Variants in IKBKB-DT observed in about 807,000 individuals in gnomAD.
The protein encoded by IKBKB-DT is IKBKB antisense RNA.
intron 2 of IKBKB-DT, among the ~76,000 whole-genome samples, chr8:42,265,310 T>G (rs1807355678): frequency 6.6e-6 from 1 of 152,256 alleles, no homozygotes; most frequent in Admixed American, 6.5e-5. Flanking sequence ...AGGGTCATTT[T>G]TATTCTGCTT....
intron 3 of IKBKB-DT, among the ~76,000 whole-genome samples, chr8:42,246,693 T>C (rs1315381885): frequency 1.3e-5 from 2 of 152,212 alleles, no homozygotes; most frequent in Non-Finnish European, 2.9e-5. Flanking sequence ...AACAGCTTCT[T>C]AAGCAGCTTT....
intron 1 of IKBKB-DT, among the ~76,000 whole-genome samples, chr8:42,268,759 G>A (rs944278891): frequency 2.6e-5 from 4 of 151,134 alleles, no homozygotes; most frequent in Non-Finnish European, 4.4e-5. Flanking sequence ...TAGAGACGTG[G>A]TTTCACCATG....
At chr8:42,259,252 C>T (rs1385838322) in intron 3 of IKBKB-DT, among the ~76,000 whole-genome samples, 4 of 152,084 alleles carry the variant, frequency 2.6e-5, no homozygotes, top group East Asian at 1.9e-4. Context: ...CTCAAACTCC[C>T]GACCTCAGGT....
intron 3 of IKBKB-DT, among the ~76,000 whole-genome samples, chr8:42,250,517 C>T (rs1245558142): frequency 6.6e-6 from 1 of 152,170 alleles, no homozygotes; most frequent in Non-Finnish European, 1.5e-5. Flanking sequence ...ATTATAAAGG[C>T]AGCTGAGTTT....
rs150101056 is a variant in IKBKB-DT, at chr8:42,265,492, T to C, written n.1385+123A>G. On this transcript the variant is annotated intron_variant and non_coding_transcript_variant, in intron 2 of 3. Coordinates refer to ENST00000518213, the Ensembl canonical transcript of IKBKB-DT. ...GGCAGGTAGGAGGGCCAGGCACCAC[T>C]GACAAGGGGAAGTGCAGAGAGAGGC... 752 of 152,390 alleles carry C rather than the reference T, an allele frequency of 4.9e-3. 5 individuals are homozygous for C. The highest frequency in any genetic ancestry group is 7.1e-3 in the Non-Finnish European group (485 of 68,126). 9.4% of individuals were successfully genotyped at this position (152,390 alleles called of 1,614,324 possible).
intron 3 of IKBKB-DT, among the ~76,000 whole-genome samples, chr8:42,251,757 G>A (rs1807130408): frequency 1.3e-5 from 2 of 151,108 alleles, no homozygotes; most frequent in Non-Finnish European, 2.9e-5. Context: ...CTTGAACCTG[G>A]GGCAGAGGTT....
chr8:42,239,614 T>TTTTATATATATATA lies in IKBKB-DT; in HGVS notation n.1530-5756_1530-5755insTATATATATATAAA, dbSNP rs1554502579. Among the ~76,000 whole-genome samples, 100 of 19,884 alleles carry TTTTATATATATATA rather than the reference T, an allele frequency of 5.0e-3. 3 individuals carry two copies. The highest frequency in any genetic ancestry group is 0.017 in the South Asian group (7 of 414). The allele number at this position is 19,884 out of a possible 152,430, so 13.0% of individuals were successfully genotyped here. A position where few individuals can be genotyped will look rare whatever the true frequency, so the allele number is the denominator to read the frequency against. Reference sequence around the variant, plus strand: ...CCAACCAATTTTTGTAAAAGGCAATTTATATATATATATATATATATTTAT... The same window carrying TTTTATATATATATA: ...CCAACCAATTTTTGTAAAAGGCAATTTTTATATATATATATATATATATATATATATATATTTAT... On this transcript the variant is annotated intron_variant and non_coding_transcript_variant, in intron 3 of 3. Coordinates refer to ENST00000518213, the Ensembl canonical transcript of IKBKB-DT.
chr8:42,255,695 G>A (rs1004846621), intron 3 of IKBKB-DT, among the ~76,000 whole-genome samples: 2 of 152,100 alleles, frequency 1.3e-5, no homozygotes, highest in Non-Finnish European at 2.9e-5. Flanking sequence ...TTGTGTCCCT[G>A]TTATAAGGAG....
chr8:42,263,257 C>T (rs764670252), intron 3 of IKBKB-DT: 1 of 152,264 alleles, frequency 6.6e-6, no homozygotes, highest in Non-Finnish European at 1.5e-5. Flanking sequence ...AAGTGATCCA[C>T]CTGCCTTGGC....
chr8:42,248,894 C>T (rs116862918), intron 3 of IKBKB-DT, among the ~76,000 whole-genome samples: 71 of 150,308 alleles, frequency 4.7e-4, no homozygotes, highest in Non-Finnish European at 8.4e-4. Context: ...AAACAAATAT[C>T]CCCTCCAAAT....
At chr8:42,260,429 G>T (rs1276200793) in intron 3 of IKBKB-DT, among the ~76,000 whole-genome samples, 2 of 152,120 alleles carry the variant, frequency 1.3e-5, no homozygotes, top group African/African-American at 2.4e-5. Flanking sequence ...ACTTTGGGAG[G>T]CTGAGGCGGG....
At chr8:42,254,770 C>A (rs973252936) in intron 3 of IKBKB-DT, among the ~76,000 whole-genome samples, 1 of 149,782 alleles carries the variant, frequency 6.7e-6, no homozygotes, top group Non-Finnish European at 1.5e-5. Context: ...TGCCCAGCCG[C>A]CCAACTGTCT....
chr8:42,258,777 C>T (rs2129927121), intron 3 of IKBKB-DT, among the ~76,000 whole-genome samples: 1 of 152,082 alleles, frequency 6.6e-6, no homozygotes, highest in African/African-American at 2.4e-5. Context: ...TGCTTCATAC[C>T]TTGTCTTACA....
intron 1 of IKBKB-DT, among the ~76,000 whole-genome samples, chr8:42,268,368 C>T (rs148646364): frequency 0.061 from 9,193 of 151,862 alleles, 710 homozygotes; most frequent in African/African-American, 0.18. Flanking sequence ...ATCTCCTGAC[C>T]TCGTGATCTG....
chr8:42,248,624 T>C (rs1262622601), intron 3 of IKBKB-DT, among the ~76,000 whole-genome samples: 2 of 152,194 alleles, frequency 1.3e-5, no homozygotes, highest in East Asian at 1.9e-4. Flanking sequence ...CTCATGTCTG[T>C]AATCCCAGCA....
chr8:42,255,330 T>C (rs1393841916), intron 3 of IKBKB-DT: 1 of 152,250 alleles, frequency 6.6e-6, no homozygotes, highest in Non-Finnish European at 1.5e-5. Flanking sequence ...TTTTTAAGTC[T>C]GTTTTGCTGG....
intron 3 of IKBKB-DT, among the ~76,000 whole-genome samples, chr8:42,235,208 T>TC (rs1806904247): frequency 1.4e-5 from 2 of 142,756 alleles, no homozygotes; most frequent in African/African-American, 5.3e-5. Context: ...TTATTTTCTT[T>TC]TTTTTTTTTT....
At chr8:42,255,527 C>T (rs971742645) in intron 3 of IKBKB-DT, 1 of 152,140 alleles carries the variant, frequency 6.6e-6, no homozygotes, top group African/African-American at 2.4e-5. Flanking sequence ...GTAAGGCAAC[C>T]ACATAAAGAA....
chr8:42,256,407 CA>C (rs111851763), intron 3 of IKBKB-DT, among the ~76,000 whole-genome samples: 6,141 of 110,808 alleles, frequency 0.055, 242 homozygotes, highest in African/African-American at 0.13. Flanking sequence ...ACCAAAAATA[CA>C]AAAAAAAAAA....
Sources: gnomAD v4.1 joint callset for allele counts (sites outside exome capture counted in the v4.1 genomes callset) on GRCh38, gnomAD v4.1.1 for gene constraint, MANE v1.5 for transcripts, NCBI Gene and HGNC (gene_info 2026-07-23, HGNC 2026-07-21) for gene names.